Variants in ADGRG4 observed in about 807,000 individuals in gnomAD.
ADGRG4 encodes adhesion G protein-coupled receptor G4, also known as G protein-coupled receptor 112.
In ADGRG4, 122 loss-of-function variants were observed where a neutral mutation model predicts 126.2. The ratio of observed to expected loss-of-function variants is 0.97; its 90% CI spans 0.83 to 1.12. The LOEUF is 1.12. Among genes scored for constraint, ADGRG4 ranks in the 50% most tolerant of loss-of-function variants. The pLI, the probability that ADGRG4 is intolerant of heterozygous loss-of-function variation, is 0.00. For missense variants in ADGRG4, 2,481 were observed against 2,251.8 expected (o/e 1.10, Z -2.06); for synonymous variants, 943 against 838.7 (o/e 1.12, Z -2.15).
chrX:136,405,309 G>T, intron 22 of ADGRG4, among the ~76,000 whole-genome samples: 2 of 106,814 alleles, frequency 1.9e-5, no homozygotes, highest in Admixed American at 2.0e-4. Context: ...AGGTGGTGGC[G>T]GGGGGGCAGG....
At position 136,326,788 on chromosome X, in the gene ADGRG4, A is replaced by T. The variant is rs769292920; in HGVS notation, c.685+3396A>T. On this transcript the variant is annotated intron_variant, in intron 5 of 25. Transcript: ENST00000394143. ...GCTTCAGCTTTTGCCTAATAAATTG[A>T]TATTTATGGTCCATAGAAGGATTAT... Among the ~76,000 whole-genome samples the T allele has an allele frequency of 5.4e-5, 6 of 111,567 alleles. No individual in the cohort carries two copies. In the East Asian group the frequency reaches 1.4e-3, roughly 26 times the overall value.
chrX:136,410,677 G>A (rs747070745), intron 23 of ADGRG4, among the ~76,000 whole-genome samples: 2 of 111,856 alleles, frequency 1.8e-5, no homozygotes, highest in Non-Finnish European at 3.8e-5. Flanking sequence ...GCGAGTTTGT[G>A]TATCAAGTGT....
intron 16 of ADGRG4, among the ~76,000 whole-genome samples, chrX:136,391,890 G>A (rs1190767487): frequency 8.9e-6 from 1 of 112,676 alleles, no homozygotes; most frequent in Non-Finnish European, 1.9e-5. Context: ...TTAGAACTGG[G>A]ATAAGTTGTG....
Position 136,371,476 on chromosome X carries a change from A to G in ADGRG4, c.7545A>G (p.Leu2515=). The change falls in exon 14 of 26, where the codon TTA becomes TTG. Residue 2515 remains leucine (L), a synonymous_variant. Coordinates refer to ENST00000394143, the MANE Select transcript of ADGRG4 (RefSeq NM_153834.4). ...EISMNLTHVM[L]QIINVVLEKQ... The stretch of plus-strand genomic sequence containing the variant: ...GTATGAACCTAACTCATGTTATGTT[A>G]CAAATAATCAACGTTGTTTTGGAAA... 1 of 1,199,838 alleles carries G rather than the reference A, an allele frequency of 8.3e-7. No individual in the cohort carries two copies. Among genetic ancestry groups the G allele is most frequent in the Non-Finnish European group, 1.1e-6 (1 of 888,378 alleles).
In ADGRG4 at chrX:136,395,416, G is replaced by A; in HGVS notation, c.8107G>A (p.Gly2703Ser). 1 of 1,201,255 alleles carries A rather than the reference G, an allele frequency of 8.3e-7. No homozygotes were observed. The highest frequency in any genetic ancestry group is 3.0e-5 in the East Asian group (1 of 33,700). ...TGGGCTGGGTGGATGGAATTCGTCAGGCTGTAAAGTAAAGGAAACAAATGT... is the reference window on the plus strand; with the variant it reads ...TGGGCTGGGTGGATGGAATTCGTCAAGCTGTAAAGTAAAGGAAACAAATGT... ...NNGLGGWNSS[G>S]CKVKETNVNY... Residue 2703 changes from glycine (G) to serine (S), a missense_variant, in exon 19 of 26, where the codon GGC (glycine) becomes AGC (serine). Coordinates refer to ENST00000394143, the MANE Select transcript of ADGRG4 (RefSeq NM_153834.4).
At chrX:136,403,688 T>C (rs1164640685) in intron 22 of ADGRG4, among the ~76,000 whole-genome samples, 1 of 112,465 alleles carries the variant, frequency 8.9e-6, no homozygotes, top group Non-Finnish European at 1.9e-5. Context: ...ATCAGGTCAT[T>C]GCAAAGAGTT....
At chrX:136,333,098 C>T (rs1449881036) in intron 5 of ADGRG4, among the ~76,000 whole-genome samples, 1 of 111,556 alleles carries the variant, frequency 9.0e-6, no homozygotes, top group Non-Finnish European at 1.9e-5. Flanking sequence ...AAAGGATTCC[C>T]TATTTAATAA....
chrX:136,395,843 C>T (rs989891972), intron 19 of ADGRG4, among the ~76,000 whole-genome samples: 1 of 111,699 alleles, frequency 9.0e-6, no homozygotes, highest in East Asian at 2.8e-4. Context: ...ATTATTCATA[C>T]TGTTTTTACC....
chrX:136,316,765 G>A (rs1476813522), intron 4 of ADGRG4, among the ~76,000 whole-genome samples: 1 of 112,221 alleles, frequency 8.9e-6, no homozygotes, highest in Non-Finnish European at 1.9e-5. Flanking sequence ...GCCACACCTG[G>A]CCTTACTCAC....
In ADGRG4 at chrX:136,405,784, T is replaced by C; in HGVS notation, c.8747T>C (p.Val2916Ala). The change falls in exon 23 of 26, where the codon GTT becomes GCT. Residue 2916 changes from valine to alanine, a missense_variant. Transcript: ENST00000394143. Reference sequence around the variant, plus strand: ...ATGAATCTCTCCATGTTCTGCACTGTTCTTGTTCAACTGAATTCTGTGAAA... The same window carrying C: ...ATGAATCTCTCCATGTTCTGCACTGCTCTTGTTCAACTGAATTCTGTGAAA... ...FLMNLSMFCT[V>A]LVQLNSVKSQ... The C allele has an allele frequency of 3.3e-6, 4 of 1,210,770 alleles. No individual in the cohort carries two copies. Among genetic ancestry groups the C allele is most frequent in the Non-Finnish European group, 4.5e-6 (4 of 894,606 alleles).
intron 14 of ADGRG4, among the ~76,000 whole-genome samples, chrX:136,372,421 G>T (rs2075200633): frequency 9.0e-6 from 1 of 111,434 alleles, no homozygotes; most frequent in Non-Finnish European, 1.9e-5. Context: ...CTCCGTTCTT[G>T]ACCCTCTATG....
chrX:136,347,571 C>T lies in ADGRG4; in HGVS notation c.3865C>T (p.Arg1289Trp), dbSNP rs370436636. 8 of 1,206,458 alleles carry T rather than the reference C, an allele frequency of 6.6e-6. No individual in the cohort carries two copies. Among genetic ancestry groups the T allele is most frequent in the African/African-American group, 3.5e-5 (2 of 57,660 alleles). ...PSKNSFISYS[R>W]GTPSLEMTDT... ...AAAGAATTCTTTTATTTCATACTCCCGGGGTACTCCATCTTTGGAAATGAC... is the reference window on the plus strand; with the variant it reads ...AAAGAATTCTTTTATTTCATACTCCTGGGGTACTCCATCTTTGGAAATGAC... The change falls in exon 6 of 26, where the codon CGG (arginine) becomes TGG (tryptophan). Residue 1289 changes from arginine to tryptophan, a missense_variant. Physicochemically the swap from Arg to Trp is moderately radical, Grantham distance 101 (BLOSUM62 -3). Transcript: ENST00000394143.
chrX:136,363,348 C>A, intron 12 of ADGRG4, 129 bp from the exon 13 acceptor site: 1 of 522,204 alleles, frequency 1.9e-6, no homozygotes. Flanking sequence ...TGGGCTCCCA[C>A]CTTTGCTTTC....
Position 136,344,887 on chromosome X carries a change from A to T in ADGRG4, c.1181A>T (p.Gln394Leu), listed in dbSNP as rs757190428. 6.6e-6 allele frequency: 8 copies of T among 1,211,003 alleles called. No homozygotes were observed. The highest frequency in any genetic ancestry group is 5.9e-5 in the East Asian group (2 of 33,850). ...TCTACAACTTCAGCAATTAAATCTC[A>T]GTCGGCTGTTACGAAGACAACATCT... ...VVSTTSAIKSQSAVTKTTSLF... is the reference protein window; with the variant it reads ...VVSTTSAIKSLSAVTKTTSLF... Residue 394 changes from glutamine to leucine, a missense_variant, in exon 6 of 26, where the codon CAG becomes CTG. Gln to Leu is a moderately radical substitution (Grantham distance 113). Coordinates refer to ENST00000394143, the MANE Select transcript of ADGRG4 (RefSeq NM_153834.4).
chrX:136,363,432 T>C, intron 12 of ADGRG4, 45 bp from the exon 13 acceptor site: 1 of 874,104 alleles, frequency 1.1e-6, no homozygotes, highest in Non-Finnish European at 1.7e-6. Flanking sequence ...TAAGACTATC[T>C]TTGCCTCATC....
chrX:136,308,108 GT>G (rs1362762276), intron 3 of ADGRG4, among the ~76,000 whole-genome samples: 1 of 112,561 alleles, frequency 8.9e-6, no homozygotes, highest in Middle Eastern at 4.6e-3. Context: ...TTGGTTTTTT[GT>G]TTGTTTGTTT....
At chrX:136,328,031 C>T (rs549520155) in intron 5 of ADGRG4, among the ~76,000 whole-genome samples, 172 of 111,316 alleles carry the variant, frequency 1.5e-3, no homozygotes, top group Admixed American at 5.5e-3. Context: ...AAATGTAAAA[C>T]TTGAATTTAC....
chrX:136,334,373 T>A (rs2074936618), intron 5 of ADGRG4, among the ~76,000 whole-genome samples: 1 of 111,564 alleles, frequency 9.0e-6, no homozygotes, highest in African/African-American at 3.3e-5. Context: ...GCCTTAATAT[T>A]GGGTAGAGAG....
intron 5 of ADGRG4, 141 bp from the exon 6 acceptor site, chrX:136,344,251 A>G: frequency 2.2e-6 from 1 of 447,912 alleles, no homozygotes; most frequent in Non-Finnish European, 3.7e-6. Context: ...AAATTATCTT[A>G]AGGAAAATCA....
Sources: gnomAD v4.1 joint callset for allele counts (sites outside exome capture counted in the v4.1 genomes callset) on GRCh38, gnomAD v4.1.1 for gene constraint, MANE v1.5 for transcripts, NCBI Gene and HGNC (gene_info 2026-07-23, HGNC 2026-07-21) for gene names.